Variants in BMERB1 observed in about 807,000 individuals in gnomAD.
BMERB1 encodes bMERB domain-containing protein 1.
BMERB1 carries 12 observed loss-of-function variants against 23.6 expected under a neutral mutation model. The ratio of observed to expected loss-of-function variants is 0.51; its 90% CI spans 0.33 to 0.82. BMERB1 has a LOEUF of 0.82. Ranked by LOEUF, BMERB1 falls within the 40% of genes least tolerant of loss-of-function variation. BMERB1 has a pLI of 0.03. For synonymous variants in BMERB1, 122 were observed against 96.6 expected, an observed-to-expected ratio of 1.26 and a Z score of -1.54; for missense variants, 247 against 255.4, an observed-to-expected ratio of 0.97 and a Z score of 0.22.
chr16:15,463,696 G>T (rs1256325600), intron 1 of BMERB1, among the ~76,000 whole-genome samples: 1 of 151,986 alleles, frequency 6.6e-6, no homozygotes, highest in Non-Finnish European at 1.5e-5. Context: ...TGTCACTTTG[G>T]GAGAACATAT....
chr16:15,543,233 CTTCTT>C (rs1291286650), intron 2 of BMERB1, among the ~76,000 whole-genome samples: 3 of 152,062 alleles, frequency 2.0e-5, no homozygotes, highest in Non-Finnish European at 4.4e-5. Flanking sequence ...TGTTCAGACA[CTTCTT>C]CTCTTCTCTC....
chr16:15,446,231 A>C (rs1207388234), intron 1 of BMERB1, among the ~76,000 whole-genome samples: 1 of 152,034 alleles, frequency 6.6e-6, no homozygotes, highest in Non-Finnish European at 1.5e-5. Flanking sequence ...TCTCTACAAA[A>C]AAATAAAAAA....
chr16:15,534,406 T>C lies in BMERB1; in HGVS notation c.230+18978T>C, dbSNP rs2052005015. Among the ~76,000 whole-genome samples, 3 of 151,320 alleles carry C rather than the reference T, an allele frequency of 2.0e-5. No individual in the cohort carries two copies. The South Asian group carries it at 6.3e-4, about 32-fold the overall frequency. On this transcript the variant is annotated intron_variant, in intron 2 of 5. Transcript: ENST00000300006. The stretch of plus-strand genomic sequence containing the variant: ...TGTCTCTACTAAGAAATACAGAAAT[T>C]AGCTGGGTGTGGAGGTACATGCCTG...
chr16:15,530,845 T>C (rs1317424596), intron 2 of BMERB1, among the ~76,000 whole-genome samples: 1 of 152,102 alleles, frequency 6.6e-6, no homozygotes, highest in African/African-American at 2.4e-5. Context: ...ATTGTAAGTT[T>C]CCTGAGGCCT....
chr16:15,570,758 C>T (rs1220050360), intron 3 of BMERB1, among the ~76,000 whole-genome samples: 2 of 150,988 alleles, frequency 1.3e-5, no homozygotes, highest in East Asian at 1.9e-4. Flanking sequence ...TGATTATATG[C>T]TAAACAAGGG....
intron 1 of BMERB1, among the ~76,000 whole-genome samples, chr16:15,496,006 G>A (rs1279117241): frequency 6.6e-6 from 1 of 151,202 alleles, no homozygotes; most frequent in African/African-American, 2.4e-5. Flanking sequence ...GGTGGTGGTG[G>A]TGGTGATAGT....
chr16:15,508,534 G>A (rs892021907), intron 1 of BMERB1, among the ~76,000 whole-genome samples: 1 of 152,112 alleles, frequency 6.6e-6, no homozygotes, highest in Admixed American at 6.5e-5. Flanking sequence ...CTAAGGTATT[G>A]TGCAGACTAA....
At chr16:15,441,205 G>C (rs1486647449) in intron 1 of BMERB1, among the ~76,000 whole-genome samples, 2 of 152,042 alleles carry the variant, frequency 1.3e-5, no homozygotes, top group Non-Finnish European at 1.5e-5. Context: ...GGACTAACAT[G>C]AACTGTTATG....
At chr16:15,435,663 C>T (rs547395250) in intron 1 of BMERB1, among the ~76,000 whole-genome samples, 1 of 152,332 alleles carries the variant, frequency 6.6e-6, no homozygotes, top group East Asian at 1.9e-4. Flanking sequence ...TGGGTCACTG[C>T]TCCGCGCTCT....
chr16:15,525,592 C>A (rs2051897893), intron 2 of BMERB1, among the ~76,000 whole-genome samples: 1 of 151,796 alleles, frequency 6.6e-6, no homozygotes, highest in Non-Finnish European at 1.5e-5. Flanking sequence ...TCAGTCCCAG[C>A]TACTCGGAAA....
At chr16:15,447,196 T>C (rs2050997335) in intron 1 of BMERB1, among the ~76,000 whole-genome samples, 1 of 152,136 alleles carries the variant, frequency 6.6e-6, no homozygotes, top group Non-Finnish European at 1.5e-5. Context: ...TGAGACTGGG[T>C]GATTTGAAAA....
intron 2 of BMERB1, among the ~76,000 whole-genome samples, chr16:15,529,268 C>T (rs571856731): frequency 2.0e-5 from 3 of 152,182 alleles, no homozygotes; most frequent in Non-Finnish European, 2.9e-5. Context: ...CCTCGTGATC[C>T]GCCTGCCTCG....
At chr16:15,519,966 G>C (rs2051829434) in intron 2 of BMERB1, among the ~76,000 whole-genome samples, 1 of 152,074 alleles carries the variant, frequency 6.6e-6, no homozygotes, top group African/African-American at 2.4e-5. Context: ...CTTGGTCTGT[G>C]ACCTTGGACA....
intron 2 of BMERB1, among the ~76,000 whole-genome samples, chr16:15,561,591 C>T (rs936130874): frequency 1.3e-5 from 2 of 151,984 alleles, no homozygotes; most frequent in African/African-American, 4.8e-5. Context: ...TTTCTCACAG[C>T]TAATGATAAT....
At chr16:15,457,454 C>T (rs117418337) in intron 1 of BMERB1, among the ~76,000 whole-genome samples, 216 of 152,306 alleles carry the variant, frequency 1.4e-3, no homozygotes, top group Non-Finnish European at 1.4e-3. Flanking sequence ...AAATAATTGA[C>T]AGAGTCATTT....
intron 3 of BMERB1, among the ~76,000 whole-genome samples, chr16:15,579,324 C>T (rs1027982451): frequency 6.6e-6 from 1 of 152,010 alleles, no homozygotes; most frequent in African/African-American, 2.4e-5. Context: ...GGAATCAGAC[C>T]CAACCCACAA....
intron 2 of BMERB1, among the ~76,000 whole-genome samples, chr16:15,526,547 C>G (rs1299245204): frequency 6.6e-6 from 1 of 151,348 alleles, no homozygotes; most frequent in Non-Finnish European, 1.5e-5. Context: ...GCCTGTAGTC[C>G]CAGCTAGTCG....
At chr16:15,574,492 A>T (rs1306962805) in intron 3 of BMERB1, among the ~76,000 whole-genome samples, 1 of 152,088 alleles carries the variant, frequency 6.6e-6, no homozygotes, top group Non-Finnish European at 1.5e-5. Context: ...TATGCCCAGT[A>T]ATGAACAAGG....
chr16:15,586,634 G>A lies in BMERB1; in HGVS notation c.503-83G>A, dbSNP rs555769826. On this transcript the variant is annotated intron_variant, in intron 5 of 5. Transcript: ENST00000300006. ...CCAGGGGTTGCAGTGGGGCTGGGCT[G>A]CAGATGGTCAGGGCTCTGCTCACCT... 9.4e-4 allele frequency: 1,088 copies of A among 1,160,832 alleles called. 17 individuals are homozygous for A. The South Asian group carries it at 0.014, about 15-fold the overall frequency. The allele number at this position is 1,160,832 out of a possible 1,614,324, so 71.9% of individuals were successfully genotyped here. A position where few individuals can be genotyped will look rare whatever the true frequency, so the allele number is the denominator to read the frequency against.
Sources: gnomAD v4.1 joint callset for allele counts (sites outside exome capture counted in the v4.1 genomes callset) on GRCh38, gnomAD v4.1.1 for gene constraint, MANE v1.5 for transcripts, NCBI Gene and HGNC (gene_info 2026-07-23, HGNC 2026-07-21) for gene names.